Variants in KCTD3 observed in about 807,000 individuals in gnomAD.
KCTD3 encodes potassium channel tetramerization domain containing 3.
Under a neutral mutation model 85.8 loss-of-function variants are expected in KCTD3, and 41 were observed. The ratio of observed to expected loss-of-function variants is 0.48; its 90% CI spans 0.37 to 0.62. The LOEUF is 0.62. Among genes scored for constraint, KCTD3 ranks in the 20% least tolerant of loss-of-function variants. The pLI is 0.00. For synonymous variants in KCTD3, 338 were observed against 345.4 expected (o/e 0.98, Z 0.24); for missense variants, 724 against 989.9 (o/e 0.73, Z 3.60).
In KCTD3 at chr1:215,581,383, AT is replaced by A. The variant is rs952419653; in HGVS notation, c.626+1393del. Among the ~76,000 whole-genome samples the A allele has an allele frequency of 3.9e-4, 59 of 151,620 alleles. No homozygotes were observed. The South Asian group carries it at 7.3e-3, about 19-fold the overall frequency. ...GAGGCAAGACTAATTTGGTAAAGTA[AT>A]TTTTTTTTAGGAAGCATTGTTTTGA... is the stretch of plus-strand genomic sequence containing the variant. On this transcript the variant is annotated intron_variant, in intron 8 of 17. Transcript: ENST00000259154.
At chr1:215,588,703 G>C (rs1365907391) in intron 9 of KCTD3, among the ~76,000 whole-genome samples, 1 of 152,130 alleles carries the variant, frequency 6.6e-6, no homozygotes, top group African/African-American at 2.4e-5. Flanking sequence ...TTAATGATCA[G>C]TTGGAGCTAA....
At chr1:215,585,717 G>T (rs1408402444) in intron 8 of KCTD3, among the ~76,000 whole-genome samples, 4 of 152,094 alleles carry the variant, frequency 2.6e-5, no homozygotes, top group Non-Finnish European at 5.9e-5. Context: ...TAATCGCATA[G>T]AAAACATTTC....
Position 215,601,934 on chromosome 1 carries a change from A to G in KCTD3, c.1001A>G (p.Asn334Ser), listed in dbSNP as rs918261163. Residue 334 changes from asparagine (N) to serine (S), a missense_variant, in exon 11 of 18, where the codon AAT becomes AGT. By Grantham distance (46) the Asn-to-Ser change is conservative (BLOSUM62 1). Around this residue, in one of 6 missense-constraint regions of KCTD3, gnomAD observed 146 missense variants for 320.3 expected, o/e 0.46. Coordinates refer to ENST00000259154, the MANE Select transcript of KCTD3 (RefSeq NM_016121.5). Reference protein sequence around the residue: ...AGSFLLLGCNNGSIYYIDMQK... With the variant: ...AGSFLLLGCNSGSIYYIDMQK... Reference sequence around the variant, plus strand: ...TCATTCCTTCTGCTTGGATGTAACAATGGATCAATATATTACATAGGTAAG... The same window carrying G: ...TCATTCCTTCTGCTTGGATGTAACAGTGGATCAATATATTACATAGGTAAG... 1.9e-6 allele frequency: 3 copies of G among 1,597,194 alleles called. No homozygotes were observed. Among genetic ancestry groups the G allele is most frequent in the Non-Finnish European group, 2.6e-6 (3 of 1,165,154 alleles).
chr1:215,611,330 A>G (rs1655230081), intron 14 of KCTD3, among the ~76,000 whole-genome samples: 1 of 151,910 alleles, frequency 6.6e-6, no homozygotes, highest in South Asian at 2.1e-4. Context: ...TTTAATTTGC[A>G]TCTTTAAAAA....
chr1:215,611,335 TA>T (rs1655230262), intron 14 of KCTD3, among the ~76,000 whole-genome samples: 2 of 152,094 alleles, frequency 1.3e-5, no homozygotes, highest in South Asian at 4.1e-4. Flanking sequence ...TTTGCATCTT[TA>T]AAAAGAAGAA....
At chr1:215,613,493 C>G (rs752241128) in intron 15 of KCTD3, among the ~76,000 whole-genome samples, 1 of 152,260 alleles carries the variant, frequency 6.6e-6, no homozygotes, top group East Asian at 1.9e-4. Context: ...TGCAAGTGCT[C>G]TTTACTTTAA....
intron 4 of KCTD3, 55 bp downstream of exon 4, chr1:215,576,029 A>G (rs1469365255): frequency 2.2e-6 from 2 of 924,600 alleles, no homozygotes; most frequent in African/African-American, 3.5e-5. Flanking sequence ...TGTGTTTTTA[A>G]TATGTTTTAT....
At chr1:215,592,702 A>G (rs1660270343) in intron 9 of KCTD3, among the ~76,000 whole-genome samples, 1 of 152,220 alleles carries the variant, frequency 6.6e-6, no homozygotes, top group Non-Finnish European at 1.5e-5. Flanking sequence ...TGTTGTTAAC[A>G]AATATTCTTC....
In KCTD3 at chr1:215,593,638, T is replaced by C. The variant is rs1188673396; in HGVS notation, c.818-1718T>C. ...TTCCCATGAGTTCTTCAAGGTTTCATGCATTTTTTTTCTCAGCTAAATGCT... is the reference window on the plus strand; with the variant it reads ...TTCCCATGAGTTCTTCAAGGTTTCACGCATTTTTTTTCTCAGCTAAATGCT... On this transcript the variant is annotated intron_variant, in intron 9 of 17. Transcript: ENST00000259154. Among the ~76,000 whole-genome samples, 6 of 152,312 alleles carry C rather than the reference T, an allele frequency of 3.9e-5. No homozygotes were observed. The South Asian group carries it at 1.0e-3, about 26-fold the overall frequency.
chr1:215,569,411 G>A (rs1659280467), intron 1 of KCTD3, among the ~76,000 whole-genome samples: 1 of 151,976 alleles, frequency 6.6e-6, no homozygotes, highest in Non-Finnish European at 1.5e-5. Context: ...GAGCCACCGC[G>A]CCTGGCCGAT....
chr1:215,607,559 A>G (rs527621597), intron 13 of KCTD3, among the ~76,000 whole-genome samples: 1 of 152,150 alleles, frequency 6.6e-6, no homozygotes, highest in African/African-American at 2.4e-5. Flanking sequence ...TAAATAGCTG[A>G]TTGCTCAAGA....
chr1:215,568,485 GCCCCCCCCCC>G lies in KCTD3; in HGVS notation c.83+723_83+732del, dbSNP rs869089767. Among the ~76,000 whole-genome samples the G allele has an allele frequency of 0.013, 37 of 2,814 alleles. 9 individuals are homozygous for G. The East Asian group carries it at 0.14, about 11-fold the overall frequency. The allele number at this position is 2,814 out of a possible 152,430, so 1.8% of individuals were successfully genotyped here. A position where few individuals can be genotyped will look rare whatever the true frequency, so the allele number is the denominator to read the frequency against. On this transcript the variant is annotated intron_variant, in intron 1 of 17. Transcript: ENST00000259154. ...CTGTCTGTTCTCTTTCTGGCCTTCC[GCCCCCCCCCC>G]CCCCCGCCCCTTCTGTGCCTGTTAT...
intron 10 of KCTD3, among the ~76,000 whole-genome samples, chr1:215,597,872 A>G (rs1654666624): frequency 6.6e-6 from 1 of 151,984 alleles, no homozygotes; most frequent in Admixed American, 6.6e-5. Flanking sequence ...CTAGGCCCAC[A>G]TTTTGTTGGG....
At chr1:215,600,939 ATT>A (rs751359094) in intron 10 of KCTD3, among the ~76,000 whole-genome samples, 20 of 142,406 alleles carry the variant, frequency 1.4e-4, no homozygotes, top group Admixed American at 1.4e-4. Context: ...TAGCAAACAC[ATT>A]TTTTTTTTTT....
At chr1:215,591,300 TTCCTTCC>T (rs1660201274) in intron 9 of KCTD3, among the ~76,000 whole-genome samples, 1 of 127,854 alleles carries the variant, frequency 7.8e-6, no homozygotes, top group Non-Finnish European at 1.6e-5. Flanking sequence ...CCTTCCTTCC[TTCCTTCC>T]TTCCTTCCTT....
At position 215,567,886 on chromosome 1, in the gene KCTD3, G is replaced by A. The variant is rs906304158; in HGVS notation, c.83+118G>A. Reference sequence around the variant, plus strand: ...GAGCGTGGGAGGCCAAGCCTGGAGGGGAACGTGGGGGCCTCCAGGCGGCAA... The same window carrying A: ...GAGCGTGGGAGGCCAAGCCTGGAGGAGAACGTGGGGGCCTCCAGGCGGCAA... On this transcript the variant is annotated intron_variant, in intron 1 of 17. Transcript: ENST00000259154. 3 of 605,316 alleles carry A rather than the reference G, an allele frequency of 5.0e-6. No homozygotes were observed. The Admixed American group carries it at 1.3e-4, about 27-fold the overall frequency. 37.5% of individuals were successfully genotyped at this position (605,316 alleles called of 1,614,324 possible).
rs773955766 is a variant in KCTD3 at position 215,611,899 on chromosome 1, A to G, written c.1540A>G (p.Arg514Gly). ...TCCCATCACCAACAAACTATTTGTA[A>G]GACTCTCATCGACTGGAAAAAGGTA... is the stretch of plus-strand genomic sequence containing the variant. The part of the protein sequence containing the change: ...VVPITNKLFV[R>G]LSSTGKRICE... The change falls in exon 15 of 18, where the codon AGA becomes GGA. Residue 514 changes from arginine (R) to glycine (G), a missense_variant. Physicochemically the swap from Arg to Gly is moderately radical, Grantham distance 125. Coordinates refer to ENST00000259154, the MANE Select transcript of KCTD3 (RefSeq NM_016121.5). 1 of 1,605,678 alleles carries G rather than the reference A, an allele frequency of 6.2e-7. No individual in the cohort carries two copies. Among genetic ancestry groups the G allele is most frequent in the South Asian group, 1.1e-5 (1 of 90,208 alleles).
chr1:215,610,874 TAGTA>T (rs1466488196), intron 14 of KCTD3, among the ~76,000 whole-genome samples: 7 of 152,078 alleles, frequency 4.6e-5, no homozygotes, highest in South Asian at 2.1e-4. Context: ...CGGTGGCACA[TAGTA>T]AGTACAGTGT....
chr1:215,587,216 G>A (rs906044190), intron 9 of KCTD3, among the ~76,000 whole-genome samples: 3 of 149,382 alleles, frequency 2.0e-5, no homozygotes, highest in African/African-American at 7.4e-5. Flanking sequence ...TGCAACCTCT[G>A]CCTCCTGGGC....
Sources: allele counts gnomAD v4.1 joint callset (sites outside exome capture counted in the v4.1 genomes callset), GRCh38; gene constraint gnomAD v4.1.1; regional missense constraint gnomAD v4.1.1; transcripts MANE v1.5; gene names NCBI Gene and HGNC (gene_info 2026-07-23, HGNC 2026-07-21).